The following CACNA1A variants were observed in gnomAD, a reference collection of about 807,000 sequenced individuals.
CACNA1A encodes the protein voltage-dependent P/Q-type calcium channel subunit alpha-1A.
Under a neutral mutation model 262.4 loss-of-function variants are expected in CACNA1A, and 57 were observed. The observed-to-expected ratio is 0.22, with a 90% CI of 0.18 to 0.27. The LOEUF (loss-of-function observed/expected upper bound fraction) is 0.27, where lower values mean the gene tolerates loss of function less well. Among genes scored for constraint, CACNA1A ranks in the 10% least tolerant of loss-of-function variants. The probability of loss-of-function intolerance (pLI) is 1.00; values close to 1 mark genes in which losing one functional copy is unlikely to be tolerated. For synonymous variants in CACNA1A, 1,431 were observed against 1,419.3 expected (o/e 1.01, Z -0.18); for missense variants, 2,526 against 3,562.8 (o/e 0.71, Z 7.41).
intron 1 of CACNA1A, among the ~76,000 whole-genome samples, chr19:13,493,553 C>G (rs1008749257): frequency 3.9e-5 from 6 of 152,242 alleles, no homozygotes; most frequent in African/African-American, 1.4e-4. Flanking sequence ...AAATTCCAAA[C>G]CATTTAACTG....
intron 37 of CACNA1A, chr19:13,225,463 G>A (rs767089622): frequency 6.6e-6 from 1 of 152,284 alleles, no homozygotes; most frequent in African/African-American, 2.4e-5. Flanking sequence ...GCAATGGCAG[G>A]GGGAAGGGGT....
At chr19:13,287,146 G>A (rs1336128744) in intron 19 of CACNA1A, among the ~76,000 whole-genome samples, 180 bp from the exon 20 acceptor site, 1 of 152,130 alleles carries the variant, frequency 6.6e-6, no homozygotes, top group Non-Finnish European at 1.5e-5. Flanking sequence ...AAGGCCAGGA[G>A]TTCAAGACCA....
intron 3 of CACNA1A, among the ~76,000 whole-genome samples, chr19:13,448,082 GAAAAA>G (rs36078876): frequency 0.028 from 3,395 of 122,240 alleles, 125 homozygotes; most frequent in African/African-American, 0.089. Flanking sequence ...GTGTTATTAT[GAAAAA>G]AAAAAAAAAA....
intron 3 of CACNA1A, chr19:13,451,984 G>C (rs993966336): frequency 2.0e-5 from 3 of 151,952 alleles, no homozygotes; most frequent in African/African-American, 7.3e-5. Flanking sequence ...CACCATGCCT[G>C]GTTAATTTTT....
chr19:13,208,007 G>C lies in CACNA1A; in HGVS notation c.6827C>G (p.Thr2276Ser). 7.6e-7 allele frequency: 1 copy of C among 1,322,822 alleles called. No individual in the cohort carries two copies. Among genetic ancestry groups the C allele is most frequent in the Non-Finnish European group, 9.6e-7 (1 of 1,041,150 alleles). The allele number at this position is 1,322,822 out of a possible 1,614,324, so 81.9% of individuals were successfully genotyped here. A position where few individuals can be genotyped will look rare whatever the true frequency, so the allele number is the denominator to read the frequency against. Reference sequence around the variant, plus strand: ...GCGGCGGCCCCGCCGCGGAGTGCTGGTACCAGATGTTGAGGGGGCTGGGCT... The same window carrying C: ...GCGGCGGCCCCGCCGCGGAGTGCTGCTACCAGATGTTGAGGGGGCTGGGCT... Reference protein sequence around the residue: ...SGSPAPSTSGTSTPRRGRRQL... With the variant: ...SGSPAPSTSGSSTPRRGRRQL... Residue 2276 changes from threonine to serine, a missense_variant, in exon 47 of 47, where the codon ACC becomes AGC. This residue lies in a region of CACNA1A where 929 missense variants were observed against 868.1 expected (regional missense o/e 1.07). Transcript: ENST00000360228.
At chr19:13,453,686 G>A (rs775334751) in intron 2 of CACNA1A, among the ~76,000 whole-genome samples, 2 of 152,204 alleles carry the variant, frequency 1.3e-5, no homozygotes, top group Non-Finnish European at 2.9e-5. Flanking sequence ...GCTTCCAGCT[G>A]CTAATCTATC....
In CACNA1A at chr19:13,455,176, C is replaced by T. The variant is rs375486960; in HGVS notation, c.330G>A (p.Ala110=). Residue 110 remains alanine, a synonymous_variant, in exon 2 of 47, where the codon GCG becomes GCA. Coordinates refer to ENST00000360228, the MANE Select transcript of CACNA1A (RefSeq NM_001127222.2). ...GCTCCAGTGCGAGGACGATGCAATTCGCTATGATGGTGGCTAAAATCATAT... is the reference window on the plus strand; with the variant it reads ...GCTCCAGTGCGAGGACGATGCAATTTGCTATGATGGTGGCTAAAATCATAT... The part of the protein sequence containing the change: ...FEYMILATII[A]NCIVLALEQH... The T allele has an allele frequency of 6.2e-6, 10 of 1,611,924 alleles. No homozygotes were observed. The highest frequency in any genetic ancestry group is 2.2e-5 in the East Asian group (1 of 44,864).
chr19:13,217,827 T>C (rs2055069939), intron 38 of CACNA1A, among the ~76,000 whole-genome samples: 1 of 151,990 alleles, frequency 6.6e-6, no homozygotes, highest in Non-Finnish European at 1.5e-5. Flanking sequence ...ACTGGCCCAT[T>C]GACTTGCTCC....
At position 13,300,528 on chromosome 19, in the gene CACNA1A, C is replaced by T. The variant is rs374590736; in HGVS notation, c.2279+22G>A. On this transcript the variant is annotated intron_variant, in intron 18 of 46. Transcript: ENST00000360228. ...GGACGTTCAGGAGCCAGGGTAGCAT[C>T]CCAGGGATTAGGGGCACTTACACAG... 2.6e-6 allele frequency: 4 copies of T among 1,538,912 alleles called. No individual in the cohort carries two copies. In the African/African-American group the frequency reaches 5.4e-5, roughly 21 times the overall value.
At chr19:13,221,671 A>G (rs1247564324) in intron 38 of CACNA1A, among the ~76,000 whole-genome samples, 1 of 152,118 alleles carries the variant, frequency 6.6e-6, no homozygotes, top group Non-Finnish European at 1.5e-5. Context: ...TGCACTGGTC[A>G]AAGTGACCAT....
At chr19:13,485,588 A>G (rs1979874397) in intron 1 of CACNA1A, among the ~76,000 whole-genome samples, 2 of 152,206 alleles carry the variant, frequency 1.3e-5, no homozygotes, top group South Asian at 4.1e-4. Flanking sequence ...TTCACAAAAA[A>G]GCAAGCTTGA....
chr19:13,466,702 T>TC (rs1463068758), intron 1 of CACNA1A, among the ~76,000 whole-genome samples: 12 of 151,874 alleles, frequency 7.9e-5, no homozygotes, highest in Admixed American at 6.6e-4. Flanking sequence ...ATAATAATAA[T>TC]AATCATCATC....
At chr19:13,437,462 G>T (rs992590261) in intron 3 of CACNA1A, among the ~76,000 whole-genome samples, 1 of 152,094 alleles carries the variant, frequency 6.6e-6, no homozygotes, top group Non-Finnish European at 1.5e-5. Flanking sequence ...AGGCTGAGGA[G>T]GGTGGATCAC....
chr19:13,255,856 CTTTCCTTTCTCT>C (rs2056549879), intron 28 of CACNA1A, among the ~76,000 whole-genome samples: 1 of 142,004 alleles, frequency 7.0e-6, no homozygotes, highest in South Asian at 2.3e-4. Flanking sequence ...CCCCTTTCTC[CTTTCCTTTCTCT>C]CTTCTTCCTT....
Position 13,298,956 on chromosome 19 carries a change from G to A in CACNA1A, c.2677C>T (p.Arg893Trp), listed in dbSNP as rs1262547488. The change falls in exon 19 of 47, where the codon CGG becomes TGG. Residue 893 changes from arginine to tryptophan, a missense_variant. Coordinates refer to ENST00000360228, the MANE Select transcript of CACNA1A (RefSeq NM_001127222.2). ...WAGSQEAELSREGPYGRESDH... is the reference protein window; with the variant it reads ...WAGSQEAELSWEGPYGRESDH... Reference sequence around the variant, plus strand: ...GACTCGCGGCCGTAGGGTCCCTCCCGGCTCAGCTCGGCCTCCTGGCTTCCC... The same window carrying A: ...GACTCGCGGCCGTAGGGTCCCTCCCAGCTCAGCTCGGCCTCCTGGCTTCCC... 52 of 1,587,864 alleles carry A rather than the reference G, an allele frequency of 3.3e-5. No homozygotes were observed. The highest frequency in any genetic ancestry group is 6.7e-5 in the African/African-American group (5 of 74,604).
At chr19:13,377,727 G>C (rs2059444054) in intron 3 of CACNA1A, among the ~76,000 whole-genome samples, 1 of 152,128 alleles carries the variant, frequency 6.6e-6, no homozygotes, top group Admixed American at 6.6e-5. Context: ...TATGATTTAA[G>C]GGATACATTT....
intron 1 of CACNA1A, among the ~76,000 whole-genome samples, chr19:13,464,152 G>A (rs1272466437): frequency 6.6e-6 from 1 of 152,222 alleles, no homozygotes; most frequent in Non-Finnish European, 1.5e-5. Flanking sequence ...CCTTTGGGAG[G>A]CCAAGGCAGA....
Position 13,209,002 on chromosome 19 carries a change from C to T in CACNA1A, c.6534G>A (p.Gly2178=). 1.3e-6 allele frequency: 2 copies of T among 1,537,146 alleles called. No individual in the cohort carries two copies. Among genetic ancestry groups the T allele is most frequent in the Non-Finnish European group, 1.7e-6 (2 of 1,146,896 alleles). ...ATTGGGTGGTCATGCTCAGGTCTGTCCCCAAGCCTGGGCCGGGTGAGGGTC... is the reference window on the plus strand; with the variant it reads ...ATTGGGTGGTCATGCTCAGGTCTGTTCCCAAGCCTGGGCCGGGTGAGGGTC... The part of the protein sequence containing the change: ...GRYTDVDTGL[G]TDLSMTTQSG... The change falls in exon 46 of 47, where the codon GGG becomes GGA. Residue 2178 remains glycine, a synonymous_variant. Transcript: ENST00000360228.
chr19:13,449,501 G>C lies in CACNA1A; in HGVS notation c.539+3375C>G, dbSNP rs778193403. The stretch of plus-strand genomic sequence containing the variant: ...CATTTTATTTCATTTTGTAGAGACA[G>C]GGTTTCACTACATTGGCCAGGCTGG... On this transcript the variant is annotated intron_variant, in intron 3 of 46. Coordinates refer to ENST00000360228, the MANE Select transcript of CACNA1A (RefSeq NM_001127222.2). 5.6e-4 allele frequency among the ~76,000 whole-genome samples: 85 copies of C among 152,016 alleles called. 1 individual carries two copies. The highest frequency in any genetic ancestry group is 1.1e-3 in the Non-Finnish European group (72 of 68,010).
Sources: gnomAD v4.1 joint callset for allele counts (sites outside exome capture counted in the v4.1 genomes callset) on GRCh38, gnomAD v4.1.1 for gene constraint, gnomAD v4.1.1 regional missense constraint, MANE v1.5 for transcripts, NCBI Gene and HGNC (gene_info 2026-07-23, HGNC 2026-07-21) for gene names.